JAM2: variants seen among roughly 807,000 people sequenced by gnomAD.
JAM2 encodes junctional adhesion molecule 2.
JAM2 carries 17 observed loss-of-function variants against 42.0 expected under a neutral mutation model. The ratio of observed to expected loss-of-function variants is 0.40; its 90% confidence interval spans 0.28 to 0.61. The LOEUF (loss-of-function observed/expected upper bound fraction) is 0.61, where lower values mean the gene tolerates loss of function less well. Ranked by LOEUF, JAM2 falls within the 20% of genes least tolerant of loss-of-function variation. The pLI, the probability that JAM2 is intolerant of heterozygous loss-of-function variation, is 0.37. For synonymous variants in JAM2, 118 were observed against 128.6 expected, an observed-to-expected ratio of 0.92 and a Z score of 0.56; for missense variants, 319 against 358.3, an observed-to-expected ratio of 0.89 and a Z score of 0.89.
rs111656749 is a variant in JAM2 at position 25,705,956 on chromosome 21, G to A, written c.698-23G>A. 3,856 of 1,470,182 alleles carry A rather than the reference G, an allele frequency of 2.6e-3. 93 individuals are homozygous for A. The African/African-American group carries it at 0.048, about 18-fold the overall frequency. The allele number at this position is 1,470,182 out of a possible 1,614,324, so 91.1% of individuals were successfully genotyped here. A position where few individuals can be genotyped will look rare whatever the true frequency, so the allele number is the denominator to read the frequency against. On this transcript the variant is annotated intron_variant, in intron 6 of 9. Coordinates refer to ENST00000480456, the MANE Select transcript of JAM2 (RefSeq NM_021219.4). Reference sequence around the variant, plus strand: ...GTCCGTGTAATCCACATATATTTATGCGTAATTTATTTTACATTCCAGATG... The same window carrying A: ...GTCCGTGTAATCCACATATATTTATACGTAATTTATTTTACATTCCAGATG...
intron 8 of JAM2, chr21:25,710,134 T>C (rs2034353012): frequency 6.6e-6 from 1 of 152,190 alleles, no homozygotes; most frequent in Non-Finnish European, 1.5e-5. Context: ...AGAAATATGG[T>C]CACTAATTTG....
intron 1 of JAM2, among the ~76,000 whole-genome samples, chr21:25,680,793 T>TG (rs2033612214): frequency 6.7e-6 from 1 of 149,986 alleles, no homozygotes; most frequent in Non-Finnish European, 1.5e-5. Context: ...GATGGATGGA[T>TG]GACGATCGAT....
intron 5 of JAM2, among the ~76,000 whole-genome samples, chr21:25,700,144 A>G (rs2034135533): frequency 6.6e-6 from 1 of 152,214 alleles, no homozygotes; most frequent in South Asian, 2.1e-4. Flanking sequence ...TTACATTTAA[A>G]AATAAAAAGT....
chr21:25,647,949 G>A (rs557021640), intron 1 of JAM2, among the ~76,000 whole-genome samples: 1 of 152,288 alleles, frequency 6.6e-6, no homozygotes, highest in Admixed American at 6.5e-5. Flanking sequence ...TGTGACTCAC[G>A]CCTGTAATCC....
At chr21:25,697,864 C>T (rs957345795) in intron 4 of JAM2, among the ~76,000 whole-genome samples, 41 of 151,656 alleles carry the variant, frequency 2.7e-4, no homozygotes, top group African/African-American at 8.2e-4. Flanking sequence ...ACCATGATCA[C>T]GCCACTGTAC....
At chr21:25,657,465 C>T (rs1013683705) in intron 1 of JAM2, among the ~76,000 whole-genome samples, 2 of 152,148 alleles carry the variant, frequency 1.3e-5, no homozygotes, top group Non-Finnish European at 2.9e-5. Flanking sequence ...TATGTATTTG[C>T]CAGTGGTACA....
intron 1 of JAM2, among the ~76,000 whole-genome samples, chr21:25,642,955 A>G (rs1021433519): frequency 6.6e-6 from 1 of 152,248 alleles, no homozygotes; most frequent in Non-Finnish European, 1.5e-5. Context: ...TGGTTCATAG[A>G]TGGAGCCTTC....
At chr21:25,647,469 C>T (rs77721376) in intron 1 of JAM2, among the ~76,000 whole-genome samples, 4,362 of 152,256 alleles carry the variant, frequency 0.029, 221 homozygotes, top group African/African-American at 0.1. Flanking sequence ...GTGTTGTGCA[C>T]CTTGCTCCAA....
chr21:25,652,799 A>G (rs1017325855), intron 1 of JAM2, among the ~76,000 whole-genome samples: 2 of 152,200 alleles, frequency 1.3e-5, no homozygotes, highest in African/African-American at 4.8e-5. Context: ...TGCTTTTCCT[A>G]TCTGTCTACT....
At chr21:25,673,999 A>G (rs183445563) in intron 1 of JAM2, among the ~76,000 whole-genome samples, 3 of 152,098 alleles carry the variant, frequency 2.0e-5, no homozygotes, top group East Asian at 1.9e-4. Context: ...TTCTCTCTTG[A>G]CTGCCGCCAT....
intron 1 of JAM2, among the ~76,000 whole-genome samples, chr21:25,658,768 G>T (rs986276540): frequency 6.6e-6 from 1 of 152,116 alleles, no homozygotes; most frequent in Non-Finnish European, 1.5e-5. Context: ...ACTTTCAGAG[G>T]AATTATTTTA....
At chr21:25,661,001 G>A (rs756248388) in intron 1 of JAM2, among the ~76,000 whole-genome samples, 4 of 150,710 alleles carry the variant, frequency 2.7e-5, no homozygotes, top group Non-Finnish European at 5.9e-5. Context: ...TCACCATGTT[G>A]GCCAGCCTGG....
chr21:25,673,904 T>TC (rs1347086825), intron 1 of JAM2, among the ~76,000 whole-genome samples: 1 of 152,178 alleles, frequency 6.6e-6, no homozygotes, highest in African/African-American at 2.4e-5. Flanking sequence ...GAGGGCAGTT[T>TC]CCCCCATACT....
rs548485327 is a variant in JAM2 at position 25,682,390 on chromosome 21, T to C, written c.68-1493T>C. 4.6e-5 allele frequency among the ~76,000 whole-genome samples: 7 copies of C among 152,346 alleles called. No homozygotes were observed. In the South Asian group the frequency reaches 1.4e-3, roughly 32 times the overall value. Reference sequence around the variant, plus strand: ...TAATGCCTACCACACCAGGTTATTTTGAATATTGAATTTTACAGCATAAAA... The same window carrying C: ...TAATGCCTACCACACCAGGTTATTTCGAATATTGAATTTTACAGCATAAAA... On this transcript the variant is annotated intron_variant, in intron 1 of 9. Coordinates refer to ENST00000480456, the MANE Select transcript of JAM2 (RefSeq NM_021219.4).
intron 2 of JAM2, 125 bp from the exon 3 acceptor site, chr21:25,689,741 A>G: frequency 6.5e-6 from 4 of 613,236 alleles, no homozygotes; most frequent in Non-Finnish European, 8.6e-6. Context: ...GTAATTTATG[A>G]ATGAATGAAT....
At position 25,706,016 on chromosome 21, in the gene JAM2, A is replaced by T; in HGVS notation, c.735A>T (p.Val245=). The change falls in exon 7 of 10, where the codon GTA becomes GTT. Residue 245 remains valine, a synonymous_variant. Coordinates refer to ENST00000480456, the MANE Select transcript of JAM2 (RefSeq NM_021219.4). ...LNISGIIAAV[V]VVALVISVCG... is the part of the protein sequence containing the mutation. Reference sequence around the variant, plus strand: ...TAAGTGGCATCATAGCAGCCGTAGTAGTTGTGGCCTTAGTGATTTCCGTTT... The same window carrying T: ...TAAGTGGCATCATAGCAGCCGTAGTTGTTGTGGCCTTAGTGATTTCCGTTT... 6.2e-7 allele frequency: 1 copy of T among 1,613,852 alleles called. No homozygotes were observed. The highest frequency in any genetic ancestry group is 2.2e-5 in the East Asian group (1 of 44,874).
intron 1 of JAM2, among the ~76,000 whole-genome samples, chr21:25,663,352 A>G (rs959317588): frequency 6.6e-6 from 1 of 152,210 alleles, no homozygotes; most frequent in South Asian, 2.1e-4. Context: ...AAGGAGGATG[A>G]ACTGCAAACT....
At chr21:25,704,619 G>A (rs1041050353) in intron 6 of JAM2, among the ~76,000 whole-genome samples, 11 of 152,106 alleles carry the variant, frequency 7.2e-5, no homozygotes, top group African/African-American at 2.7e-4. Context: ...TGTAAAATGG[G>A]AACTCTTTGA....
rs146429601 is a variant in JAM2, at chr21:25,646,591, G to GGAGA, written c.67+6717_67+6720dup. ...TGGGGGGAAAGAGAGAGAGAGAGAA[G>GGAGA]GAGAGAGAGAGAGAGAGGGAGGATG... On this transcript the variant is annotated intron_variant, in intron 1 of 9. Transcript: ENST00000480456. Among the ~76,000 whole-genome samples the GGAGA allele has an allele frequency of 1.9e-3, 287 of 150,342 alleles. 1 individual carries two copies. Among genetic ancestry groups the GGAGA allele is most frequent in the Non-Finnish European group, 3.6e-3 (241 of 67,412 alleles).
Sources: gnomAD v4.1 joint callset for allele counts (sites outside exome capture counted in the v4.1 genomes callset) on GRCh38, gnomAD v4.1.1 for gene constraint, MANE v1.5 for transcripts, NCBI Gene and HGNC (gene_info 2026-07-23, HGNC 2026-07-21) for gene names.